Variants in CACNA1C observed in about 807,000 individuals in gnomAD.
The protein encoded by CACNA1C is calcium voltage-gated channel subunit alpha1 C, also known as voltage-dependent L-type calcium channel subunit alpha-1C.
CACNA1C carries 30 observed loss-of-function variants against 229.0 expected under a neutral mutation model. That is an observed-to-expected ratio of 0.13 (90% CI 0.10 to 0.18). The LOEUF is 0.18. CACNA1C is among the 10% of genes least tolerant of loss of function. CACNA1C has a pLI of 1.00. For missense variants in CACNA1C, 1,658 were observed against 2,845.0 expected (o/e 0.58, Z 9.49); for synonymous variants, 1,114 against 1,132.5 (o/e 0.98, Z 0.33).
chr12:2,420,102 G>GGTGTGCGTGTGTGTGTGTGTGT (rs2098960916), intron 3 of CACNA1C, among the ~76,000 whole-genome samples: 9 of 125,430 alleles, frequency 7.2e-5, no homozygotes, highest in Admixed American at 2.3e-4. Flanking sequence ...TAGGCAAAAT[G>GGTGTGCGTGTGTGTGTGTGTGT]GTGTGTGTGT....
At chr12:2,461,394 C>T (rs1298655283) in intron 5 of CACNA1C, among the ~76,000 whole-genome samples, 2 of 152,192 alleles carry the variant, frequency 1.3e-5, no homozygotes, top group Admixed American at 1.3e-4. Flanking sequence ...CTCATCTTCT[C>T]ACCCTCTTAA....
intron 3 of CACNA1C, among the ~76,000 whole-genome samples, chr12:2,178,389 A>G (rs903839577): frequency 6.6e-6 from 1 of 152,230 alleles, no homozygotes; most frequent in Non-Finnish European, 1.5e-5. Context: ...TGCTTTTTGC[A>G]TGGGATGAAC....
intron 29 of CACNA1C, among the ~76,000 whole-genome samples, chr12:2,627,015 A>T (rs1367285393): frequency 6.6e-6 from 1 of 152,188 alleles, no homozygotes. Flanking sequence ...GTGCATTCTA[A>T]GGAGTGTGTG....
chr12:2,691,006 A>T lies in CACNA1C; in HGVS notation c.6224A>T (p.Glu2075Val). 1 of 1,600,544 alleles carries T rather than the reference A, an allele frequency of 6.2e-7. No individual in the cohort carries two copies. Among genetic ancestry groups the T allele is most frequent in the Non-Finnish European group, 8.5e-7 (1 of 1,173,710 alleles). Residue 2075 changes from glutamate (E) to valine (V), a missense_variant, in exon 47 of 47, where the codon GAG becomes GTG. This residue lies in a region of CACNA1C where 590 missense variants were observed against 700.8 expected (regional missense o/e 0.84). Coordinates refer to ENST00000399655, the MANE Select transcript of CACNA1C (RefSeq NM_000719.7). ...TGCGACATGACCATAGAGGAGATGG[A>T]GAGCGCGGCCGACAACATCCTCAGC... ...DACDMTIEEM[E>V]SAADNILSGG...
At chr12:2,140,186 C>CCTGGGA (rs1283792436) in intron 3 of CACNA1C, among the ~76,000 whole-genome samples, 1 of 151,214 alleles carries the variant, frequency 6.6e-6, no homozygotes, top group Non-Finnish European at 1.5e-5. Flanking sequence ...GAACCTCTGT[C>CCTGGGA]CTGGGACAGG....
At chr12:2,299,221 TG>T (rs2154471538) in intron 3 of CACNA1C, among the ~76,000 whole-genome samples, 1 of 152,306 alleles carries the variant, frequency 6.6e-6, no homozygotes, top group African/African-American at 2.4e-5. Context: ...ATGGGGTGCC[TG>T]GGCCCCACCT....
chr12:2,435,831 G>A (rs569125814), intron 3 of CACNA1C, among the ~76,000 whole-genome samples: 109 of 152,306 alleles, frequency 7.2e-4, no homozygotes, highest in African/African-American at 2.3e-3. Context: ...AAGCAGGAGC[G>A]AGGTCTTGCA....
chr12:2,562,457 A>G (rs2048013969), intron 11 of CACNA1C, among the ~76,000 whole-genome samples: 2 of 152,194 alleles, frequency 1.3e-5, no homozygotes, highest in South Asian at 4.2e-4. Context: ...TGTCCTGAAA[A>G]TTCATTTTTT....
intron 13 of CACNA1C, among the ~76,000 whole-genome samples, chr12:2,577,970 G>A (rs907061865): frequency 8.6e-5 from 13 of 150,846 alleles, no homozygotes; most frequent in African/African-American, 2.4e-4. Context: ...CCGGGTTCAC[G>A]CCATTCTCCT....
intron 3 of CACNA1C, among the ~76,000 whole-genome samples, chr12:2,128,755 C>T (rs974113845): frequency 6.6e-6 from 1 of 152,214 alleles, no homozygotes; most frequent in Non-Finnish European, 1.5e-5. Flanking sequence ...TCTAACACAA[C>T]AGCAACAGAC....
intron 3 of CACNA1C, among the ~76,000 whole-genome samples, chr12:2,125,593 G>A (rs2089673091): frequency 6.6e-6 from 1 of 152,188 alleles, no homozygotes; most frequent in South Asian, 2.1e-4. Context: ...CTCAACCCCT[G>A]TGGCATAAGT....
chr12:2,247,589 C>T (rs1314221777), intron 3 of CACNA1C, among the ~76,000 whole-genome samples: 3 of 152,302 alleles, frequency 2.0e-5, no homozygotes, highest in South Asian at 4.1e-4. Context: ...CCTGACCTTC[C>T]TGGTGGGCAG....
intron 3 of CACNA1C, among the ~76,000 whole-genome samples, chr12:2,245,136 G>C (rs528695161): frequency 1.3e-5 from 2 of 152,306 alleles, no homozygotes; most frequent in Non-Finnish European, 1.5e-5. Flanking sequence ...CGCGCTGATC[G>C]TGAGAGCAAA....
chr12:2,161,482 C>A (rs568898630), intron 3 of CACNA1C, among the ~76,000 whole-genome samples: 25 of 152,284 alleles, frequency 1.6e-4, no homozygotes, highest in Non-Finnish European at 3.7e-4. Context: ...GTGCCAGGGG[C>A]CCCGCCTGTC....
At position 2,691,254 on chromosome 12, in the gene CACNA1C, T is replaced by C. The variant is rs2097785252; in HGVS notation, c.*55T>C. 2.7e-6 allele frequency: 4 copies of C among 1,468,730 alleles called. No individual in the cohort carries two copies. The Admixed American group carries it at 1.0e-4, about 37-fold the overall frequency. 91.0% of individuals were successfully genotyped at this position (1,468,730 alleles called of 1,614,324 possible). On this transcript the variant is annotated 3_prime_UTR_variant, in exon 47 of 47. Coordinates refer to ENST00000399655, the MANE Select transcript of CACNA1C (RefSeq NM_000719.7). ...ATTTGTTTCAATGTTCCTAATGGGT[T>C]CGTTTCAGAAGTGCCTCACTGTTCT...
intron 3 of CACNA1C, among the ~76,000 whole-genome samples, chr12:2,261,839 G>A (rs2080358375): frequency 6.6e-6 from 1 of 152,248 alleles, no homozygotes; most frequent in South Asian, 2.1e-4. Context: ...GTGTCTGGAT[G>A]TATCTGAAGC....
chr12:2,124,342 C>T (rs565545835), intron 3 of CACNA1C, among the ~76,000 whole-genome samples: 1 of 152,068 alleles, frequency 6.6e-6, no homozygotes, highest in Non-Finnish European at 1.5e-5. Flanking sequence ...ATTTGCATTG[C>T]GTCTCTCAAG....
rs1418344695 is a variant in CACNA1C at position 2,029,236 on chromosome 12, C to T, written c.139+58035C>T. On this transcript the variant is annotated intron_variant, in intron 1 of 46. Transcript: ENST00000682462. The surrounding 1 kb of genome is among the most constrained non-coding windows in gnomAD (Gnocchi z 4.9). ...TTCTATCGGAAAGCCAGTTGTCATT[C>T]GTGGGGCCAATATGTTGATGCTGCA... 2.6e-5 allele frequency among the ~76,000 whole-genome samples: 4 copies of T among 152,162 alleles called. No individual in the cohort carries two copies. The highest frequency in any genetic ancestry group is 1.3e-4 in the Admixed American group (2 of 15,284).
chr12:2,345,048 G>GCTGGGAACCATA (rs2096971040), intron 3 of CACNA1C, among the ~76,000 whole-genome samples: 1 of 148,766 alleles, frequency 6.7e-6, no homozygotes, highest in African/African-American at 2.5e-5. Context: ...ACTAGATCAA[G>GCTGGGAACCATA]CTCTCTGGCC....
Sources: allele counts gnomAD v4.1 joint callset (sites outside exome capture counted in the v4.1 genomes callset), GRCh38; gene constraint gnomAD v4.1.1; regional missense constraint gnomAD v4.1.1; non-coding constraint Gnocchi (gnomAD v3.1); transcripts MANE v1.5; gene names NCBI Gene and HGNC (gene_info 2026-07-23, HGNC 2026-07-21).